Variants in GSPT1 observed in about 807,000 individuals in gnomAD.
GSPT1 encodes eukaryotic peptide chain release factor GTP-binding subunit ERF3A.
GSPT1 carries 20 observed loss-of-function variants against 72.5 expected under a neutral mutation model. That is an observed-to-expected ratio of 0.28 (90% CI 0.19 to 0.40). The LOEUF is 0.40. GSPT1 is among the 10% of genes least tolerant of loss of function. GSPT1 has a pLI of 1.00. For missense variants in GSPT1, 580 were observed against 811.9 expected, an observed-to-expected ratio of 0.71 and a Z score of 3.47; for synonymous variants, 334 against 293.5, an observed-to-expected ratio of 1.14 and a Z score of -1.41.
rs2053992397 is a variant in GSPT1 at position 11,872,727 on chromosome 16, G to C, written c.*392C>G. On this transcript the variant is annotated 3_prime_UTR_variant, in exon 15 of 15. Transcript: ENST00000434724. Reference sequence around the variant, plus strand: ...CATGGTAGTTGCCTTTGTAACATGTGCACACACACTCGCACACTCAGAATG... The same window carrying C: ...CATGGTAGTTGCCTTTGTAACATGTCCACACACACTCGCACACTCAGAATG... The C allele has an allele frequency of 6.0e-6, 1 of 167,484 alleles. No individual in the cohort carries two copies. The highest frequency in any genetic ancestry group is 2.0e-4 in the South Asian group (1 of 5,054). The allele number at this position is 167,484 out of a possible 1,614,324, so 10.4% of individuals were successfully genotyped here.
chr16:11,871,936 G>C lies in GSPT1; in HGVS notation c.*1183C>G, dbSNP rs971413909. The C allele has an allele frequency of 6.7e-6, 1 of 149,194 alleles. No individual in the cohort carries two copies. The allele number at this position is 149,194 out of a possible 1,614,324, so 9.2% of individuals were successfully genotyped here. ...TCAGCTTTACACTTAAGAAAACTCA[G>C]TCAATTTCAAATAATTGAGATAAAA... On this transcript the variant is annotated 3_prime_UTR_variant, in exon 15 of 15. Coordinates refer to ENST00000434724, the MANE Select transcript of GSPT1 (RefSeq NM_002094.4).
chr16:11,884,471 G>A (rs116803540), intron 10 of GSPT1, among the ~76,000 whole-genome samples: 1 of 152,132 alleles, frequency 6.6e-6, no homozygotes, highest in Non-Finnish European at 1.5e-5. Context: ...TGTTAATAAA[G>A]TTTTTGGACC....
intron 14 of GSPT1, among the ~76,000 whole-genome samples, chr16:11,875,460 A>G (rs1468906877): frequency 6.6e-6 from 1 of 152,174 alleles, no homozygotes; most frequent in Non-Finnish European, 1.5e-5. Context: ...ATCGCTAGAC[A>G]TATTACAAAG....
chr16:11,903,084 C>T (rs542846139), intron 1 of GSPT1, among the ~76,000 whole-genome samples: 1 of 152,206 alleles, frequency 6.6e-6, no homozygotes, highest in South Asian at 2.1e-4. Context: ...CATACTCTCT[C>T]CTAGCTTCTG....
upstream of GSPT1, among the ~76,000 whole-genome samples, chr16:11,916,404 A>G (rs554623754): frequency 1.2e-4 from 19 of 152,322 alleles, no homozygotes; most frequent in Middle Eastern, 6.8e-3. Context: ...GACAGCATCT[A>G]TAACATGGGG....
chr16:11,874,987 C>G (rs979262840), intron 14 of GSPT1, among the ~76,000 whole-genome samples: 6 of 152,248 alleles, frequency 3.9e-5, no homozygotes, highest in African/African-American at 1.4e-4. Flanking sequence ...GTCAGGAGAT[C>G]AAGACCATCC....
chr16:11,909,646 C>G (rs1384746373), intron 1 of GSPT1, among the ~76,000 whole-genome samples: 1 of 152,136 alleles, frequency 6.6e-6, no homozygotes, highest in African/African-American at 2.4e-5. Context: ...AAAACTTGGC[C>G]AGGCACAGTG....
Position 11,883,049 on chromosome 16 carries a change from C to A in GSPT1, c.1394G>T (p.Cys465Phe). 2 of 1,607,904 alleles carry A rather than the reference C, an allele frequency of 1.2e-6. No homozygotes were observed. Among genetic ancestry groups the A allele is most frequent in the Non-Finnish European group, 1.7e-6 (2 of 1,174,414 alleles). ...VLGKLESGSI[C>F]KGQQLVMMPN... ...CATCATCACAAGCTGCTGGCCTTTACAAATAGATCCTGATTCCAGCTTTCC... is the reference window on the plus strand; with the variant it reads ...CATCATCACAAGCTGCTGGCCTTTAAAAATAGATCCTGATTCCAGCTTTCC... The change falls in exon 11 of 15, where the codon TGT becomes TTT. Residue 465 changes from cysteine to phenylalanine, a missense_variant. Around this residue, in one of 6 missense-constraint regions of GSPT1, gnomAD observed 120 missense variants for 242.5 expected, o/e 0.49. Transcript: ENST00000434724.
rs147143374 is a variant in GSPT1 at position 11,875,453 on chromosome 16, G to A, written c.1861+308C>T. Among the ~76,000 whole-genome samples, 24 of 151,904 alleles carry A rather than the reference G, an allele frequency of 1.6e-4. No homozygotes were observed. The East Asian group carries it at 3.9e-3, about 24-fold the overall frequency. ...ATCAATCTCTATGTTCCTTTTAATC[G>A]CTAGACATATTACAAAGGATTACAT... is the stretch of plus-strand genomic sequence containing the variant. On this transcript the variant is annotated intron_variant, in intron 14 of 14. Coordinates refer to ENST00000434724, the MANE Select transcript of GSPT1 (RefSeq NM_002094.4).
chr16:11,915,507 T>C lies in GSPT1; in HGVS notation c.214A>G (p.Asn72Asp). The change falls in exon 1 of 15, where the codon AAC becomes GAC. Residue 72 changes from asparagine (N) to aspartate (D), a missense_variant. Asn to Asp is a conservative substitution (Grantham distance 23). This residue lies in a region of GSPT1 where 327 missense variants were observed against 298.8 expected (regional missense o/e 1.09). Transcript: ENST00000434724. ...SAAFSRQLNV[N>D]AKPFVPNVHA... is the part of the protein sequence containing the mutation. ...ACGTTGGGCACGAAGGGCTTGGCGT[T>C]GACGTTGAGTTGCCGGCTGAAGGCC... 6.5e-7 allele frequency: 1 copy of C among 1,542,766 alleles called. No individual in the cohort carries two copies. Among genetic ancestry groups the C allele is most frequent in the South Asian group, 1.2e-5 (1 of 83,692 alleles).
At chr16:11,896,003 T>C (rs940087751) in intron 4 of GSPT1, among the ~76,000 whole-genome samples, 4 of 152,216 alleles carry the variant, frequency 2.6e-5, no homozygotes, top group African/African-American at 9.6e-5. Context: ...AAGGCAGAGA[T>C]AGCTGAAATG....
At chr16:11,893,427 G>C (rs1596467135) in intron 5 of GSPT1, among the ~76,000 whole-genome samples, 1 of 151,652 alleles carries the variant, frequency 6.6e-6, no homozygotes, top group Non-Finnish European at 1.5e-5. Flanking sequence ...GCCCAGCCAA[G>C]TAAATTTAAA....
chr16:11,896,865 A>T, intron 3 of GSPT1, 80 bp from the exon 4 acceptor site: 1 of 942,074 alleles, frequency 1.1e-6, no homozygotes, highest in Non-Finnish European at 1.6e-6. Flanking sequence ...TTAAAACAAC[A>T]AATGGAAGTT....
Position 11,915,502 on chromosome 16 carries a change from G to A in GSPT1, c.219C>T (p.Ala73=), listed in dbSNP as rs779515377. The change falls in exon 1 of 15, where the codon GCC becomes GCT. Residue 73 remains alanine (A), a synonymous_variant. Coordinates refer to ENST00000434724, the MANE Select transcript of GSPT1 (RefSeq NM_002094.4). ...AAFSRQLNVN[A]KPFVPNVHAA... is the part of the protein sequence containing the mutation. ...CGTGGACGTTGGGCACGAAGGGCTT[G>A]GCGTTGACGTTGAGTTGCCGGCTGA... 5 of 1,547,026 alleles carry A rather than the reference G, an allele frequency of 3.2e-6. No individual in the cohort carries two copies. The East Asian group carries it at 1.3e-4, about 41-fold the overall frequency.
chr16:11,875,666 G>T, intron 14 of GSPT1, 95 bp downstream of exon 14: 1 of 827,060 alleles, frequency 1.2e-6, no homozygotes, highest in South Asian at 2.0e-5. Flanking sequence ...AGTTTTCTGT[G>T]AACCTGTTGC....
rs1596469312 is a variant in GSPT1 at position 11,896,793 on chromosome 16, A to C, written c.437-8T>G. The C allele has an allele frequency of 1.3e-6, 2 of 1,497,660 alleles. No homozygotes were observed. The highest frequency in any genetic ancestry group is 1.2e-5 in the South Asian group (1 of 83,612). 92.8% of individuals were successfully genotyped at this position (1,497,660 alleles called of 1,614,324 possible). On this transcript the variant is annotated splice_polypyrimidine_tract_variant and splice_region_variant and intron_variant, in intron 3 of 14. Coordinates refer to ENST00000434724, the MANE Select transcript of GSPT1 (RefSeq NM_002094.4). ...CTGTCTCTCCATTTTCTACTGAAGAAAGACATTTTAACTTAGTATTCTGAA... is the reference window on the plus strand; with the variant it reads ...CTGTCTCTCCATTTTCTACTGAAGACAGACATTTTAACTTAGTATTCTGAA...
rs1452581943 is a variant in GSPT1 at position 11,892,523 on chromosome 16, C to CAAAAA, written c.699-1389_699-1385dup. Among the ~76,000 whole-genome samples the CAAAAA allele has an allele frequency of 1.6e-4, 18 of 116,078 alleles. 1 individual carries two copies. The highest frequency in any genetic ancestry group is 8.2e-4 in the East Asian group (3 of 3,680). The allele number at this position is 116,078 out of a possible 152,430, so 76.2% of individuals were successfully genotyped here. A position where few individuals can be genotyped will look rare whatever the true frequency, so the allele number is the denominator to read the frequency against. On this transcript the variant is annotated intron_variant, in intron 5 of 14. Coordinates refer to ENST00000434724, the MANE Select transcript of GSPT1 (RefSeq NM_002094.4). ...CCCTTTCTCAAAAAAACAAAAAAAACAAAAAAAACAAAAAATAAAAAATGG... is the reference window on the plus strand; with the variant it reads ...CCCTTTCTCAAAAAAACAAAAAAAACAAAAAAAAAAAAACAAAAAATAAAAAATGG...
chr16:11,879,449 T>C (rs1325291386), intron 11 of GSPT1, among the ~76,000 whole-genome samples: 2 of 140,178 alleles, frequency 1.4e-5, no homozygotes, highest in Non-Finnish European at 3.1e-5. Flanking sequence ...AAACAATCTG[T>C]ATCGGCTGGG....
rs552539155 is a variant in GSPT1, at chr16:11,872,546, G to C, written c.*573C>G. On this transcript the variant is annotated 3_prime_UTR_variant, in exon 15 of 15. Transcript: ENST00000434724. Reference sequence around the variant, plus strand: ...CGCTGTGAATGTCTCATTTATAGTGGGTAGGGAAAGAGTTTATAAAAGTCC... The same window carrying C: ...CGCTGTGAATGTCTCATTTATAGTGCGTAGGGAAAGAGTTTATAAAAGTCC... The C allele has an allele frequency of 6.6e-6, 1 of 152,242 alleles. No individual in the cohort carries two copies. Among genetic ancestry groups the C allele is most frequent in the South Asian group, 2.1e-4 (1 of 4,826 alleles). The allele number at this position is 152,242 out of a possible 1,614,324, so 9.4% of individuals were successfully genotyped here.
Sources: allele counts gnomAD v4.1 joint callset (sites outside exome capture counted in the v4.1 genomes callset), GRCh38; gene constraint gnomAD v4.1.1; regional missense constraint gnomAD v4.1.1; transcripts MANE v1.5; gene names NCBI Gene and HGNC (gene_info 2026-07-23, HGNC 2026-07-21).